ITFG2: variants seen among roughly 807,000 people sequenced by gnomAD.
ITFG2 encodes the protein integrin alpha FG-GAP repeat containing 2.
A neutral mutation model predicts 54.4 loss-of-function variants in ITFG2; 36 were observed. The observed-to-expected ratio is 0.66, with a 90% CI of 0.51 to 0.87. The LOEUF (loss-of-function observed/expected upper bound fraction) is 0.87. ITFG2 is among the 40% of genes least tolerant of loss of function. ITFG2 has a pLI of 0.00. For synonymous variants in ITFG2, 211 were observed against 225.4 expected (o/e 0.94, Z 0.57); for missense variants, 524 against 576.7 (o/e 0.91, Z 0.94).
chr12:2,856,393 T>C (rs971244470), intron 2 of ITFG2, among the ~76,000 whole-genome samples: 2 of 152,206 alleles, frequency 1.3e-5, no homozygotes, highest in East Asian at 3.9e-4. Flanking sequence ...AGATGGAGTT[T>C]CACTCTTGTT....
intron 1 of ITFG2, among the ~76,000 whole-genome samples, chr12:2,816,962 T>A (rs532624783): frequency 8.5e-5 from 13 of 152,234 alleles, no homozygotes; most frequent in African/African-American, 2.9e-4. Context: ...GGCAAATTTT[T>A]AAATTTTTTT....
chr12:2,826,956 G>A, downstream of ITFG2: 1 of 1,319,320 alleles, frequency 7.6e-7, no homozygotes, highest in South Asian at 1.8e-5. Context: ...TGCTTTTCTT[G>A]GGAGGAAGAT....
chr12:2,834,822 C>T, upstream of ITFG2: 1 of 1,613,804 alleles, frequency 6.2e-7, no homozygotes. Flanking sequence ...TGGCCTCCTG[C>T]TTGGTGCTCA....
downstream of ITFG2, among the ~76,000 whole-genome samples, chr12:2,831,583 CA>C (rs1353741094): frequency 4.9e-4 from 68 of 140,062 alleles, no homozygotes; most frequent in Middle Eastern, 3.6e-3. Context: ...GACTCTGTCT[CA>C]AAAAAAAAAA....
intron 2 of ITFG2, chr12:2,849,437 A>G (rs2098063073): frequency 6.5e-7 from 1 of 1,536,068 alleles, no homozygotes; most frequent in African/African-American, 1.4e-5. Flanking sequence ...GGGCAGGGCC[A>G]GCTCCTGGCG....
chr12:2,842,120 C>CTTTTTTTTTTTT (rs71057841), intron 2 of ITFG2, among the ~76,000 whole-genome samples: 1 of 108,718 alleles, frequency 9.2e-6, no homozygotes, highest in Non-Finnish European at 1.7e-5. Flanking sequence ...TCACTTGTTT[C>CTTTTTTTTTTTT]TTTTTTTTTT....
downstream of ITFG2, among the ~76,000 whole-genome samples, chr12:2,831,309 CGTG>C (rs1252224187): frequency 6.6e-6 from 1 of 151,722 alleles, no homozygotes; most frequent in Non-Finnish European, 1.5e-5. Context: ...CTAGGCCAGG[CGTG>C]GTGGCTCACA....
intron 2 of ITFG2, chr12:2,855,400 T>G: frequency 2.8e-6 from 3 of 1,087,906 alleles, no homozygotes; most frequent in South Asian, 1.4e-5. Context: ...GAACTCACGC[T>G]GAGCCCACGT....
downstream of ITFG2, chr12:2,826,447 C>T (rs1019138827): frequency 3.3e-5 from 5 of 151,936 alleles, no homozygotes; most frequent in Admixed American, 3.3e-4. Context: ...GGCTCTTCCA[C>T]ACACACACAC....
At chr12:2,833,375 T>C (rs182086997), upstream of ITFG2, among the ~76,000 whole-genome samples, 346 of 152,140 alleles carry the variant, frequency 2.3e-3, no homozygotes, top group Admixed American at 3.6e-3. Context: ...GTTCCCTGAA[T>C]TAAGTCTCAG....
At position 2,821,343 on chromosome 12, in the gene ITFG2, T is replaced by C. The variant is rs1272906366; in HGVS notation, c.777T>C (p.Ile259=). The C allele has an allele frequency of 6.2e-7, 1 of 1,608,282 alleles. No homozygotes were observed. Among genetic ancestry groups the C allele is most frequent in the African/African-American group, 1.3e-5 (1 of 74,794 alleles). The change falls in exon 7 of 12, where the codon ATT becomes ATC. Residue 259 remains isoleucine (I), a synonymous_variant. Transcript: ENST00000228799. Reference sequence around the variant, plus strand: ...ACAAGAATGTCTCCACTCACCTAATTGGCAACATCAAACAAGGTGAAAGTG... The same window carrying C: ...ACAAGAATGTCTCCACTCACCTAATCGGCAACATCAAACAAGGTGAAAGTG... ...IHNKNVSTHL[I]GNIKQGHGTE...
intron 2 of ITFG2, among the ~76,000 whole-genome samples, chr12:2,842,120 C>CTTTTTTTTTT (rs71057841): frequency 1.9e-4 from 21 of 108,706 alleles, no homozygotes; most frequent in East Asian, 2.7e-4. Flanking sequence ...TCACTTGTTT[C>CTTTTTTTTTT]TTTTTTTTTT....
chr12:2,846,525 A>C (rs2098053794), intron 2 of ITFG2, among the ~76,000 whole-genome samples: 1 of 152,046 alleles, frequency 6.6e-6, no homozygotes, highest in Non-Finnish European at 1.5e-5. Context: ...GGTCCGGAGC[A>C]AGTCACTTCT....
chr12:2,837,912 T>C (rs923317871), intron 1 of ITFG2, among the ~76,000 whole-genome samples: 5 of 152,166 alleles, frequency 3.3e-5, no homozygotes, highest in African/African-American at 9.7e-5. Flanking sequence ...GTGTTCTCTC[T>C]CCCAAGGTCT....
At chr12:2,822,003 A>G (rs2907508) in intron 9 of ITFG2, among the ~76,000 whole-genome samples, 46,521 of 146,256 alleles carry the variant, frequency 0.32, 9,235 homozygotes, top group African/African-American at 0.56. Flanking sequence ...ATCTTGGTTC[A>G]CTGCAACCTT....
chr12:2,835,156 C>CGTGTGTGTGTGTGTGTGTGTGTGTGTGT (rs1404966974), upstream of ITFG2: 4 of 1,299,528 alleles, frequency 3.1e-6, no homozygotes, highest in African/African-American at 4.4e-5. Flanking sequence ...GTGGATGGGG[C>CGTGTGTGTGTGTGTGTGTGTGTGTGTGT]GTATGTGTGT....
At chr12:2,842,466 G>T (rs1278489803) in intron 2 of ITFG2, among the ~76,000 whole-genome samples, 1 of 151,926 alleles carries the variant, frequency 6.6e-6, no homozygotes, top group Admixed American at 6.5e-5. Flanking sequence ...TTTAGGCCGG[G>T]TGTGGTGGCT....
At chr12:2,830,941 C>T, downstream of ITFG2, 1 of 1,470,342 alleles carries the variant, frequency 6.8e-7, no homozygotes, top group Non-Finnish European at 9.2e-7. Context: ...CTTAGATACC[C>T]CAGGATGCTC....
upstream of ITFG2, among the ~76,000 whole-genome samples, chr12:2,834,064 A>G (rs2098016201): frequency 6.6e-6 from 1 of 152,144 alleles, no homozygotes; most frequent in African/African-American, 2.4e-5. Context: ...TGCTGCAGAC[A>G]TGGGATGGGA....
Sources: allele counts gnomAD v4.1 joint callset (sites outside exome capture counted in the v4.1 genomes callset), GRCh38; gene constraint gnomAD v4.1.1; transcripts MANE v1.5; gene names NCBI Gene and HGNC (gene_info 2026-07-23, HGNC 2026-07-21).